The following TREML4 variants were observed in gnomAD, a reference collection of about 807,000 sequenced individuals.
TREML4 encodes the protein trem-like transcript 4 protein.
Under a neutral mutation model 25.4 loss-of-function variants are expected in TREML4, and 25 were observed. The ratio of observed to expected loss-of-function variants is 0.98; its 90% CI spans 0.72 to 1.37. The LOEUF (loss-of-function observed/expected upper bound fraction) is 1.37. Ranked by LOEUF, TREML4 falls within the 40% of genes most tolerant of loss-of-function variation. The pLI is 0.00. For synonymous variants in TREML4, 92 were observed against 87.9 expected (o/e 1.05, Z -0.26); for missense variants, 268 against 236.5 (o/e 1.13, Z -0.87).
chr6:41,232,228 A>T (rs551345224), intron 4 of TREML4: 1 of 176,154 alleles, frequency 5.7e-6, no homozygotes, highest in South Asian at 1.2e-4. Flanking sequence ...ACATGCAAAC[A>T]TCCCCACTGA....
intron 2 of TREML4, 123 bp from the exon 3 acceptor site, chr6:41,229,398 C>A: frequency 9.8e-7 from 1 of 1,016,384 alleles, no homozygotes; most frequent in Non-Finnish European, 1.6e-6. Flanking sequence ...AGGCACAGAC[C>A]ACTCCTGGCT....
intron 4 of TREML4, among the ~76,000 whole-genome samples, chr6:41,235,903 C>A (rs891176098): frequency 2.0e-5 from 3 of 152,076 alleles, no homozygotes; most frequent in Admixed American, 1.3e-4. Context: ...AATACTGAGG[C>A]AGAAAGTTAC....
At position 41,232,213 on chromosome 6, in the gene TREML4, T is replaced by C. The variant is rs531624364; in HGVS notation, c.506+2091T>C. On this transcript the variant is annotated intron_variant, in intron 4 of 5. Coordinates refer to ENST00000341495, the MANE Select transcript of TREML4 (RefSeq NM_198153.3). ...CTGGATTCTCAAGGCCTCAGAAGGT[T>C]TGCCACATGCAAACATCCCCACTGA... 401 of 171,396 alleles carry C rather than the reference T, an allele frequency of 2.3e-3. 3 individuals are homozygous for C. Among genetic ancestry groups the C allele is most frequent in the African/African-American group, 9.0e-3 (381 of 42,376 alleles). 10.6% of individuals were successfully genotyped at this position (171,396 alleles called of 1,614,324 possible). A position where few individuals can be genotyped will look rare whatever the true frequency, so the allele number is the denominator to read the frequency against.
intron 4 of TREML4, 145 bp downstream of exon 4, chr6:41,230,267 C>T: frequency 1.6e-6 from 1 of 620,640 alleles, no homozygotes; most frequent in East Asian, 2.7e-5. Context: ...AGCCCCCAGG[C>T]CATGACTCAA....
intron 4 of TREML4, among the ~76,000 whole-genome samples, chr6:41,235,695 A>G (rs955589089): frequency 1.6e-4 from 25 of 152,224 alleles, no homozygotes; most frequent in African/African-American, 5.5e-4. Flanking sequence ...TGGAAGAGGC[A>G]ATAACATTGT....
intron 2 of TREML4, 41 bp downstream of exon 2, chr6:41,229,085 C>T (rs777699528): frequency 2.4e-5 from 37 of 1,544,168 alleles, no homozygotes; most frequent in Middle Eastern, 3.4e-4. Flanking sequence ...TGCCACCCCC[C>T]AGGGACCTGA....
At chr6:41,229,776 T>C in intron 3 of TREML4, 1 of 652,928 alleles carries the variant, frequency 1.5e-6, no homozygotes. Context: ...GATCGCCATG[T>C]TCTCACGATG....
chr6:41,231,609 G>GA (rs1245769408), intron 4 of TREML4, among the ~76,000 whole-genome samples: 6 of 151,672 alleles, frequency 4.0e-5, no homozygotes, highest in Admixed American at 6.6e-5. Flanking sequence ...CGATCCATTG[G>GA]AAAAAAGAGC....
chr6:41,229,651 C>T (rs771535548), intron 3 of TREML4, 80 bp downstream of exon 3: 7 of 1,470,698 alleles, frequency 4.8e-6, no homozygotes, highest in Admixed American at 1.7e-5. Flanking sequence ...GAAGGGGAAA[C>T]CAGGGAGGCC....
chr6:41,229,443 C>A (rs917716721), intron 2 of TREML4, 78 bp from the exon 3 acceptor site: 15 of 1,522,508 alleles, frequency 9.9e-6, no homozygotes, highest in Non-Finnish European at 1.2e-5. Context: ...TGGGCCCCTA[C>A]CTCCTCTTAT....
Position 41,237,307 on chromosome 6 carries a change from C to T in TREML4, c.*288C>T. The T allele has an allele frequency of 6.4e-6, 1 of 155,690 alleles. No homozygotes were observed. Among genetic ancestry groups the T allele is most frequent in the Non-Finnish European group, 1.4e-5 (1 of 70,250 alleles). 9.6% of individuals were successfully genotyped at this position (155,690 alleles called of 1,614,324 possible). ...GCACTGAGCCCCCTTAGATCTACTG[C>T]CCCTGCCCTGACTTTCGCCATTGGG... is the stretch of plus-strand genomic sequence containing the variant. On this transcript the variant is annotated 3_prime_UTR_variant, in exon 6 of 6. Coordinates refer to ENST00000341495, the MANE Select transcript of TREML4 (RefSeq NM_198153.3).
chr6:41,230,790 G>C (rs1766781602), intron 4 of TREML4, among the ~76,000 whole-genome samples: 1 of 152,190 alleles, frequency 6.6e-6, no homozygotes, highest in South Asian at 2.1e-4. Context: ...CAGCTAATGG[G>C]GGTCCCTGGG....
chr6:41,228,708 G>T lies in TREML4; in HGVS notation c.64-6G>T, dbSNP rs765295601. The T allele has an allele frequency of 6.2e-7, 1 of 1,609,482 alleles. No individual in the cohort carries two copies. On this transcript the variant is annotated splice_polypyrimidine_tract_variant and splice_region_variant and intron_variant, in intron 1 of 5. Transcript: ENST00000341495. ...TGGGTTTCTTTCTGCCGGTTCCTGG[G>T]TAAAGGGTGCTGTGCCTGAAGAACT...
intron 4 of TREML4, 103 bp from the exon 5 acceptor site, chr6:41,236,383 G>T (rs1461270429): frequency 2.1e-6 from 2 of 945,310 alleles, no homozygotes; most frequent in South Asian, 1.5e-5. Flanking sequence ...GGGCCCTTAC[G>T]CAAACAGCTC....
rs554223899 is a variant in TREML4, at chr6:41,229,045, G to A, written c.394+1G>A. ...AATATCAGCCTGGTGGTGTCTCCAG[G>A]TGAGCTCTTTTCTTGAGGAAATACC... On this transcript the variant is annotated splice_donor_variant, in intron 2 of 5. Transcript: ENST00000341495. LOFTEE classifies it high-confidence loss of function. 26 of 1,609,360 alleles carry A rather than the reference G, an allele frequency of 1.6e-5. No individual in the cohort carries two copies. Among genetic ancestry groups the A allele is most frequent in the Non-Finnish European group, 2.1e-5 (25 of 1,176,956 alleles).
Position 41,230,526 on chromosome 6 carries a change from G to C in TREML4, c.506+404G>C, listed in dbSNP as rs142509068. 3.3e-3 allele frequency among the ~76,000 whole-genome samples: 510 copies of C among 152,268 alleles called. 3 individuals are homozygous for C. Among genetic ancestry groups the C allele is most frequent in the African/African-American group, 0.012 (490 of 41,548 alleles). ...ACTGTTAAATTCTGCTTCTATTCTTGCAGTCATGGGTTTTGAGGCCATGAC... is the reference window on the plus strand; with the variant it reads ...ACTGTTAAATTCTGCTTCTATTCTTCCAGTCATGGGTTTTGAGGCCATGAC... On this transcript the variant is annotated intron_variant, in intron 4 of 5. Coordinates refer to ENST00000341495, the MANE Select transcript of TREML4 (RefSeq NM_198153.3).
chr6:41,228,682 C>T, intron 1 of TREML4, 32 bp from the exon 2 acceptor site: 1 of 1,594,362 alleles, frequency 6.3e-7, no homozygotes, highest in Non-Finnish European at 8.6e-7. Flanking sequence ...GAGCTCTGAC[C>T]TGGGTTTCTT....
chr6:41,232,095 T>G (rs1473169173), intron 4 of TREML4, among the ~76,000 whole-genome samples: 3 of 152,184 alleles, frequency 2.0e-5, no homozygotes, highest in African/African-American at 7.2e-5. Flanking sequence ...AAGAAGACAA[T>G]TCAGTAATAT....
chr6:41,229,322 C>T (rs1766741189), intron 2 of TREML4, among the ~76,000 whole-genome samples, 199 bp from the exon 3 acceptor site: 1 of 152,060 alleles, frequency 6.6e-6, no homozygotes, highest in African/African-American at 2.4e-5. Context: ...CACAGGCACA[C>T]CCACAACTCT....
Sources: allele counts gnomAD v4.1 joint callset (sites outside exome capture counted in the v4.1 genomes callset), GRCh38; gene constraint gnomAD v4.1.1; transcripts MANE v1.5; gene names NCBI Gene and HGNC (gene_info 2026-07-23, HGNC 2026-07-21).